The following PRKN variants were observed in gnomAD, a reference collection of about 807,000 sequenced individuals.
PRKN encodes the protein E3 ubiquitin-protein ligase parkin.
PRKN carries 56 observed loss-of-function variants against 59.5 expected under a neutral mutation model. The observed-to-expected ratio is 0.94, with a 90% confidence interval of 0.76 to 1.18. The LOEUF is 1.18. Ranked by LOEUF, PRKN falls within the 50% of genes most tolerant of loss-of-function variation. PRKN has a pLI of 0.00. For missense variants in PRKN, 657 were observed against 596.4 expected, an observed-to-expected ratio of 1.10 and a Z score of -1.06; for synonymous variants, 250 against 222.1, an observed-to-expected ratio of 1.13 and a Z score of -1.12.
rs141577900 is a variant in PRKN, at chr6:161,717,640, T to C, written c.871+68132A>G. ...TACTTTGATTCTTATTCATATCTTCTGGTCAGCAAATCAATATTAGTATTT... is the reference window on the plus strand; with the variant it reads ...TACTTTGATTCTTATTCATATCTTCCGGTCAGCAAATCAATATTAGTATTT... On this transcript the variant is annotated intron_variant, in intron 7 of 11. Transcript: ENST00000366898. Among the ~76,000 whole-genome samples the C allele has an allele frequency of 2.1e-3, 313 of 152,360 alleles. 1 individual carries two copies. Among genetic ancestry groups the C allele is most frequent in the Admixed American group, 5.1e-3 (78 of 15,312 alleles).
intron 7 of PRKN, among the ~76,000 whole-genome samples, chr6:161,689,234 A>AC (rs1785683936): frequency 7.0e-6 from 1 of 141,848 alleles, no homozygotes; most frequent in South Asian, 2.2e-4. Flanking sequence ...ACACACACAC[A>AC]AAGTGAACCC....
intron 3 of PRKN, among the ~76,000 whole-genome samples, chr6:162,210,698 T>C (rs921497307): frequency 2.6e-5 from 4 of 152,216 alleles, no homozygotes; most frequent in Non-Finnish European, 4.4e-5. Context: ...CATATTTGTT[T>C]CTGTGAATCA....
At chr6:162,520,500 A>G (rs943506676) in intron 1 of PRKN, among the ~76,000 whole-genome samples, 1 of 152,148 alleles carries the variant, frequency 6.6e-6, no homozygotes, top group African/African-American at 2.4e-5. Context: ...TCTCTTGGTC[A>G]CTCATAATCA....
At chr6:162,084,395 C>T (rs1779173831) in intron 4 of PRKN, among the ~76,000 whole-genome samples, 1 of 152,096 alleles carries the variant, frequency 6.6e-6, no homozygotes, top group African/African-American at 2.4e-5. Flanking sequence ...TCCATGGGAC[C>T]AGAACAAGTT....
At chr6:162,675,480 C>T (rs1473841175) in intron 1 of PRKN, among the ~76,000 whole-genome samples, 1 of 152,062 alleles carries the variant, frequency 6.6e-6, no homozygotes, top group African/African-American at 2.4e-5. Flanking sequence ...AGATGACAGG[C>T]AAATTTACAA....
At chr6:161,403,026 C>T (rs2114984753) in intron 9 of PRKN, among the ~76,000 whole-genome samples, 1 of 152,232 alleles carries the variant, frequency 6.6e-6, no homozygotes, top group Non-Finnish European at 1.5e-5. Context: ...CCCAAGTGTC[C>T]TCTGTTAAGG....
At chr6:161,618,680 G>T (rs956907927) in intron 7 of PRKN, among the ~76,000 whole-genome samples, 2 of 152,228 alleles carry the variant, frequency 1.3e-5, no homozygotes, top group Middle Eastern at 3.4e-3. Flanking sequence ...CATAAGAGCT[G>T]CCCCAAGACA....
Position 161,371,602 on chromosome 6 carries a change from A to G in PRKN, c.1168-11397T>C, listed in dbSNP as rs980750032. On this transcript the variant is annotated intron_variant, in intron 10 of 11. Coordinates refer to ENST00000366898, the MANE Select transcript of PRKN (RefSeq NM_004562.3). This position sits in a 1 kb window ranked among gnomAD's most constrained non-coding sequence, Gnocchi z 5.5. ...CACTAAGCTCCAAACTCCCCAAGCC[A>G]TGCTTTAGAATGCAATTCAGAAGGG... Among the ~76,000 whole-genome samples, 2 of 152,088 alleles carry G rather than the reference A, an allele frequency of 1.3e-5. No individual in the cohort carries two copies. Among genetic ancestry groups the G allele is most frequent in the African/African-American group, 4.8e-5 (2 of 41,414 alleles).
At chr6:162,016,355 C>A (rs2156745) in intron 5 of PRKN, among the ~76,000 whole-genome samples, 34,520 of 151,936 alleles carry the variant, frequency 0.23, 4,440 homozygotes, top group Non-Finnish European at 0.3. Context: ...ATGTAACTTG[C>A]CTTGGAACCC....
chr6:162,474,947 T>A (rs377646691), intron 1 of PRKN, among the ~76,000 whole-genome samples: 2 of 152,314 alleles, frequency 1.3e-5, no homozygotes, highest in East Asian at 3.9e-4. Context: ...TCTACAAATG[T>A]CAAAATAAAA....
chr6:161,588,398 A>T lies in PRKN; in HGVS notation c.872-18982T>A, dbSNP rs1481701511. ...TCTGTCCCCTCGCCAAAAAAAAAAA[A>T]TTTACTCTATGGGTATCAATAATCA... On this transcript the variant is annotated intron_variant, in intron 7 of 11. Transcript: ENST00000366898. The surrounding 1 kb of genome is among the most constrained non-coding windows in gnomAD (Gnocchi z 5.0). Among the ~76,000 whole-genome samples, 1 of 144,108 alleles carries T rather than the reference A, an allele frequency of 6.9e-6. No individual in the cohort carries two copies. The highest frequency in any genetic ancestry group is 6.9e-5 in the Admixed American group (1 of 14,594). 94.5% of individuals were successfully genotyped at this position (144,108 alleles called of 152,430 possible). A position where few individuals can be genotyped will look rare whatever the true frequency, so the allele number is the denominator to read the frequency against.
intron 7 of PRKN, among the ~76,000 whole-genome samples, chr6:161,772,773 C>G (rs1583141574): frequency 6.6e-6 from 1 of 151,994 alleles, no homozygotes. Flanking sequence ...ACACACATCC[C>G]TCAACCCAAT....
chr6:161,408,730 C>CTAT (rs1273608473), intron 9 of PRKN, among the ~76,000 whole-genome samples: 1 of 151,502 alleles, frequency 6.6e-6, no homozygotes, highest in East Asian at 1.9e-4. Context: ...TGTTTTGTCC[C>CTAT]CATACAATGT....
At chr6:161,729,923 A>G (rs1461149944) in intron 7 of PRKN, among the ~76,000 whole-genome samples, 3 of 148,834 alleles carry the variant, frequency 2.0e-5, no homozygotes, top group Non-Finnish European at 4.4e-5. Context: ...GATGTGCTGC[A>G]TTCTGACATG....
chr6:162,164,635 T>C (rs963099345), intron 4 of PRKN, among the ~76,000 whole-genome samples: 5 of 149,210 alleles, frequency 3.4e-5, no homozygotes, highest in Non-Finnish European at 5.9e-5. Flanking sequence ...CCATTTGGAA[T>C]CCAGTAATTG....
chr6:162,104,953 T>A (rs1284144044), intron 4 of PRKN, among the ~76,000 whole-genome samples: 1 of 152,238 alleles, frequency 6.6e-6, no homozygotes. Flanking sequence ...TAGTTCTCCA[T>A]GCTGGCTACA....
chr6:162,471,716 T>G (rs190621661), intron 1 of PRKN, among the ~76,000 whole-genome samples: 1 of 152,360 alleles, frequency 6.6e-6, no homozygotes, highest in East Asian at 1.9e-4. Flanking sequence ...AAAGGATGTA[T>G]CTACTTCTGT....
intron 7 of PRKN, among the ~76,000 whole-genome samples, chr6:161,784,094 T>A (rs926633443): frequency 6.6e-6 from 1 of 152,194 alleles, no homozygotes; most frequent in Non-Finnish European, 1.5e-5. Flanking sequence ...CACATTGCAG[T>A]CATTTATACA....
intron 4 of PRKN, among the ~76,000 whole-genome samples, chr6:162,196,288 A>T (rs1583183066): frequency 6.6e-6 from 1 of 152,200 alleles, no homozygotes; most frequent in South Asian, 2.1e-4. Context: ...AATAATTAAA[A>T]ATTAATACAG....
Sources: allele counts gnomAD v4.1 joint callset (sites outside exome capture counted in the v4.1 genomes callset), GRCh38; gene constraint gnomAD v4.1.1; non-coding constraint Gnocchi (gnomAD v3.1); transcripts MANE v1.5; gene names NCBI Gene and HGNC (gene_info 2026-07-23, HGNC 2026-07-21).